Variants in LEKR1 observed in about 807,000 individuals in gnomAD.
LEKR1 encodes leucine, glutamate and lysine rich 1.
LEKR1 carries 59 observed loss-of-function variants against 72.4 expected under a neutral mutation model. That is an observed-to-expected ratio of 0.82 (90% CI 0.66 to 1.01). LEKR1 has a LOEUF of 1.01. Among genes scored for constraint, LEKR1 ranks in the 50% least tolerant of loss-of-function variants. The pLI is 0.00. For synonymous variants in LEKR1, 257 were observed against 263.2 expected, an observed-to-expected ratio of 0.98 and a Z score of 0.23; for missense variants, 728 against 759.2, an observed-to-expected ratio of 0.96 and a Z score of 0.48.
At chr3:156,840,043 G>C (rs1713702579) in intron 2 of LEKR1, among the ~76,000 whole-genome samples, 2 of 152,184 alleles carry the variant, frequency 1.3e-5, no homozygotes, top group African/African-American at 4.8e-5. Flanking sequence ...ACATGAGGAT[G>C]AAGACATTTT....
intron 6 of LEKR1, among the ~76,000 whole-genome samples, chr3:156,967,072 C>G (rs1728683301): frequency 6.6e-6 from 1 of 152,194 alleles, no homozygotes; most frequent in African/African-American, 2.4e-5. Context: ...AGGGTCCTGA[C>G]TGTTAGAAGG....
At chr3:156,976,211 T>G (rs1478011965) in intron 6 of LEKR1, among the ~76,000 whole-genome samples, 9 of 152,220 alleles carry the variant, frequency 5.9e-5, no homozygotes, top group African/African-American at 1.9e-4. Flanking sequence ...CCATTTTTAC[T>G]GTCTATTATT....
chr3:156,894,910 T>G (rs1240664821), intron 3 of LEKR1, among the ~76,000 whole-genome samples: 1 of 152,152 alleles, frequency 6.6e-6, no homozygotes, highest in Non-Finnish European at 1.5e-5. Flanking sequence ...AATTAAAGAC[T>G]TACATGTAAA....
intron 7 of LEKR1, among the ~76,000 whole-genome samples, chr3:156,985,189 TAG>T (rs1286687937): frequency 6.6e-6 from 1 of 152,150 alleles, no homozygotes; most frequent in African/African-American, 2.4e-5. Context: ...CACATTTCCA[TAG>T]AGTTACTTTT....
At chr3:156,875,891 A>T (rs904251358) in intron 3 of LEKR1, among the ~76,000 whole-genome samples, 1 of 146,608 alleles carries the variant, frequency 6.8e-6, no homozygotes, top group African/African-American at 2.5e-5. Context: ...GCTACTCGGG[A>T]GGCTGAGGCA....
Position 157,011,487 on chromosome 3 carries a change from A to C in LEKR1, c.1184A>C (p.Asp395Ala). 2 of 1,612,246 alleles carry C rather than the reference A, an allele frequency of 1.2e-6. No homozygotes were observed. Among genetic ancestry groups the C allele is most frequent in the Non-Finnish European group, 1.7e-6 (2 of 1,178,468 alleles). ...QETLRQKLLS[D>A]DNWKEKIEAE... Reference sequence around the variant, plus strand: ...ACCCTTAGACAGAAGCTGCTGAGTGATGATAACTGGAAGGAGAAGGTAATG... The same window carrying C: ...ACCCTTAGACAGAAGCTGCTGAGTGCTGATAACTGGAAGGAGAAGGTAATG... The change falls in exon 10 of 13, where the codon GAT becomes GCT. Residue 395 changes from aspartate (D) to alanine (A), a missense_variant. Asp to Ala is a moderately radical substitution (Grantham distance 126, BLOSUM62 -2). Transcript: ENST00000356539.
At chr3:157,035,297 T>C (rs577020200) in intron 12 of LEKR1, among the ~76,000 whole-genome samples, 2 of 152,182 alleles carry the variant, frequency 1.3e-5, no homozygotes, top group South Asian at 2.1e-4. Flanking sequence ...AAGGGTGGAA[T>C]TGAAAACAAG....
Position 156,835,863 on chromosome 3 carries a change from C to CTTTTTT in LEKR1, c.48+6510_48+6515dup, listed in dbSNP as rs59061418. ...TCCCCCCAAGTCTTGCTCTGTCTCA[C>CTTTTTT]TTTTTTTTTTTTTTTTTTTTTTTTT... On this transcript the variant is annotated intron_variant, in intron 2 of 12. Transcript: ENST00000356539. Among the ~76,000 whole-genome samples, 39 of 55,534 alleles carry CTTTTTT rather than the reference C, an allele frequency of 7.0e-4. 8 individuals are homozygous for CTTTTTT. Among genetic ancestry groups the CTTTTTT allele is most frequent in the South Asian group, 3.1e-3 (3 of 956 alleles). The allele number at this position is 55,534 out of a possible 152,430, so 36.4% of individuals were successfully genotyped here. A position where few individuals can be genotyped will look rare whatever the true frequency, so the allele number is the denominator to read the frequency against.
chr3:157,026,738 G>A (rs1282389182), intron 11 of LEKR1, among the ~76,000 whole-genome samples: 1 of 152,166 alleles, frequency 6.6e-6, no homozygotes, highest in Non-Finnish European at 1.5e-5. Flanking sequence ...CAGATTCTTA[G>A]TGGGCTAGTT....
chr3:156,988,276 C>T (rs377045746), intron 7 of LEKR1: 13 of 201,732 alleles, frequency 6.4e-5, no homozygotes, highest in Non-Finnish European at 1.1e-4. Flanking sequence ...GGCCTTACAG[C>T]GGTAGATATC....
At chr3:156,894,198 T>G (rs191833119) in intron 3 of LEKR1, among the ~76,000 whole-genome samples, 2 of 152,304 alleles carry the variant, frequency 1.3e-5, no homozygotes, top group African/African-American at 4.8e-5. Context: ...AAAAGAGTAA[T>G]GTCTCTTTTT....
At chr3:156,916,339 T>C (rs1723647324) in intron 3 of LEKR1, among the ~76,000 whole-genome samples, 1 of 152,156 alleles carries the variant, frequency 6.6e-6, no homozygotes, top group South Asian at 2.1e-4. Flanking sequence ...AATCTCTAAA[T>C]TGCTTTGGGT....
At chr3:156,989,844 C>A (rs942210300) in intron 7 of LEKR1, among the ~76,000 whole-genome samples, 1 of 152,088 alleles carries the variant, frequency 6.6e-6, no homozygotes, top group South Asian at 2.1e-4. Context: ...CAGAAAGACA[C>A]ACACACACAC....
At chr3:156,956,704 G>T (rs1437995324) in intron 6 of LEKR1, among the ~76,000 whole-genome samples, 3 of 151,918 alleles carry the variant, frequency 2.0e-5, no homozygotes, top group Non-Finnish European at 4.4e-5. Context: ...TATTAAAAAG[G>T]TAGAATTTTT....
rs895721402 is a variant in LEKR1 at position 156,994,278 on chromosome 3, G to T, written c.1109+1001G>T. On this transcript the variant is annotated intron_variant, in intron 9 of 12. Transcript: ENST00000356539. ...AGGGTAGTGGGTAGCAGTTATCTTAGAATTAGATTTTTTTGTCTCAGAACT... is the reference window on the plus strand; with the variant it reads ...AGGGTAGTGGGTAGCAGTTATCTTATAATTAGATTTTTTTGTCTCAGAACT... Among the ~76,000 whole-genome samples the T allele has an allele frequency of 3.0e-4, 46 of 152,172 alleles. 1 individual carries two copies. The highest frequency in any genetic ancestry group is 2.9e-3 in the Admixed American group (44 of 15,274).
chr3:156,993,081 A>G lies in LEKR1; in HGVS notation c.913A>G (p.Met305Val), dbSNP rs367662511. Residue 305 changes from methionine to valine, a missense_variant, in exon 9 of 13, where the codon ATG becomes GTG. Met to Val is a conservative substitution (Grantham distance 21). Coordinates refer to ENST00000356539, the MANE Select transcript of LEKR1 (RefSeq NM_001004316.3). ...ESIISESQHTMLLKEKEDSLM... is the reference protein window; with the variant it reads ...ESIISESQHTVLLKEKEDSLM... ...TTTCCTATTTCTTTTTAGGCATACT[A>G]TGCTGCTTAAGGAAAAAGAAGACTC... 23 of 1,590,526 alleles carry G rather than the reference A, an allele frequency of 1.4e-5. No homozygotes were observed. The highest frequency in any genetic ancestry group is 1.8e-5 in the Admixed American group (1 of 55,878).
chr3:156,985,538 G>A (rs1055602887), intron 7 of LEKR1, among the ~76,000 whole-genome samples: 21 of 152,106 alleles, frequency 1.4e-4, no homozygotes, highest in South Asian at 2.1e-4. Flanking sequence ...TTACAAATGC[G>A]ATTAAGAATT....
At chr3:157,034,848 T>C (rs1038202729) in intron 12 of LEKR1, among the ~76,000 whole-genome samples, 1 of 152,192 alleles carries the variant, frequency 6.6e-6, no homozygotes, top group Admixed American at 6.5e-5. Flanking sequence ...AGTTTCACTC[T>C]GTTGCCCAGG....
chr3:156,906,879 G>A (rs1388170645), intron 3 of LEKR1, among the ~76,000 whole-genome samples: 7 of 152,044 alleles, frequency 4.6e-5, no homozygotes, highest in East Asian at 3.8e-4. Flanking sequence ...AAAGAAAAAC[G>A]TTTTATAAAA....
Sources: gnomAD v4.1 joint callset for allele counts (sites outside exome capture counted in the v4.1 genomes callset) on GRCh38, gnomAD v4.1.1 for gene constraint, MANE v1.5 for transcripts, NCBI Gene and HGNC (gene_info 2026-07-23, HGNC 2026-07-21) for gene names.